Variants in ATG2A observed in about 807,000 individuals in gnomAD.
ATG2A encodes autophagy related 2A, also known as autophagy-related protein 2 homolog A.
ATG2A carries 103 observed loss-of-function variants against 214.2 expected under a neutral mutation model. The observed-to-expected ratio is 0.48, with a 90% CI of 0.41 to 0.57. ATG2A has a LOEUF of 0.57. Ranked by LOEUF, ATG2A falls within the 20% of genes least tolerant of loss-of-function variation. ATG2A has a pLI of 0.00. For synonymous variants in ATG2A, 1,160 were observed against 1,142.1 expected (o/e 1.02, Z -0.32); for missense variants, 2,312 against 2,613.2 (o/e 0.88, Z 2.51).
rs954116247 is a variant in ATG2A, at chr11:64,909,319, G to A, written c.2156C>T (p.Ser719Phe). 1.2e-6 allele frequency: 2 copies of A among 1,613,752 alleles called. No homozygotes were observed. Among genetic ancestry groups the A allele is most frequent in the Non-Finnish European group, 1.7e-6 (2 of 1,180,018 alleles). ...AGTGCTCTTGGGGTCCAGGGCTTTGGAGACACGCAGGCAAGGGACAGGTGG... is the reference window on the plus strand; with the variant it reads ...AGTGCTCTTGGGGTCCAGGGCTTTGAAGACACGCAGGCAAGGGACAGGTGG... ...GKPPVPCLRV[S>F]KALDPKSTGR... The change falls in exon 15 of 41, where the codon TCC becomes TTC. Residue 719 changes from serine to phenylalanine, a missense_variant. By Grantham distance (155) the Ser-to-Phe change is radical. Transcript: ENST00000377264.
In ATG2A at chr11:64,902,608, G is replaced by A. The variant is rs1565748061; in HGVS notation, c.3685C>T (p.Leu1229=). The change falls in exon 27 of 41, where the codon CTG becomes TTG. Residue 1229 remains leucine (L), a synonymous_variant. Coordinates refer to ENST00000377264, the MANE Select transcript of ATG2A (RefSeq NM_015104.3). The part of the protein sequence containing the change: ...HVHSCADSCA[L]LVNLLQYVMS... ...ACGTACTGGAGCAGGTTGACCAGCA[G>A]GGCACAGGAGTCGGCACAGCTGTGC... is the stretch of plus-strand genomic sequence containing the variant. The A allele has an allele frequency of 6.2e-7, 1 of 1,610,432 alleles. No individual in the cohort carries two copies. Among genetic ancestry groups the A allele is most frequent in the Admixed American group, 1.7e-5 (1 of 59,960 alleles).
In ATG2A at chr11:64,898,545, C is replaced by T. The variant is rs540779238; in HGVS notation, c.4671+91G>A. The T allele has an allele frequency of 1.2e-4, 173 of 1,467,434 alleles. No individual in the cohort carries two copies. Among genetic ancestry groups the T allele is most frequent in the Admixed American group, 2.5e-4 (14 of 56,526 alleles). 90.9% of individuals were successfully genotyped at this position (1,467,434 alleles called of 1,614,324 possible). ...CAACCTGGGTGTTTGTGTGGGAATG[C>T]GTGTATGTGTGTGAATCCATGCATG... On this transcript the variant is annotated intron_variant, in intron 32 of 40. Transcript: ENST00000377264. The surrounding 1 kb of genome is among the most constrained non-coding windows in gnomAD (Gnocchi z 4.5).
rs1808779624 is a variant in ATG2A at position 64,903,422 on chromosome 11, G to A, written c.3536-58C>T. On this transcript the variant is annotated intron_variant, in intron 25 of 40. Coordinates refer to ENST00000377264, the MANE Select transcript of ATG2A (RefSeq NM_015104.3). This position sits in a 1 kb window ranked among gnomAD's most constrained non-coding sequence, Gnocchi z 4.2. The stretch of plus-strand genomic sequence containing the variant: ...CCCCTTCCACCCGGCCCCGGCCCCA[G>A]CACCTGGGGGAAGGATCCGGTTGAT... 1 of 1,589,790 alleles carries A rather than the reference G, an allele frequency of 6.3e-7. No individual in the cohort carries two copies.
chr11:64,912,678 C>T (rs1944821547), intron 6 of ATG2A: 1 of 482,458 alleles, frequency 2.1e-6, no homozygotes, highest in Admixed American at 3.9e-5. Flanking sequence ...ACTGCAACCT[C>T]TGCCTCCTGG....
chr11:64,903,148 G>T lies in ATG2A; in HGVS notation c.3612+140C>A. ...GCTGTACTATGGCCCTTTGCAGGAG[G>T]GGCGCTAACTGCAGCCCAGGAAGGG... is the stretch of plus-strand genomic sequence containing the variant. On this transcript the variant is annotated intron_variant, in intron 26 of 40. Transcript: ENST00000377264. The surrounding 1 kb of genome is among the most constrained non-coding windows in gnomAD (Gnocchi z 4.2). 1 of 738,766 alleles carries T rather than the reference G, an allele frequency of 1.4e-6. No homozygotes were observed. The highest frequency in any genetic ancestry group is 2.3e-6 in the Non-Finnish European group (1 of 437,256). The allele number at this position is 738,766 out of a possible 1,614,324, so 45.8% of individuals were successfully genotyped here. A position where few individuals can be genotyped will look rare whatever the true frequency, so the allele number is the denominator to read the frequency against.
Position 64,898,923 on chromosome 11 carries a change from T to C in ATG2A, c.4465-81A>G, listed in dbSNP as rs1590624723. ...GGCTGGCCCCAGACCCCTTCTCTAT[T>C]CTTTTTTTGAGACAGAGTCTCACTC... On this transcript the variant is annotated intron_variant, in intron 31 of 40. Coordinates refer to ENST00000377264, the MANE Select transcript of ATG2A (RefSeq NM_015104.3). The surrounding 1 kb of genome is among the most constrained non-coding windows in gnomAD (Gnocchi z 4.5). The C allele has an allele frequency of 1.5e-6, 2 of 1,357,040 alleles. No individual in the cohort carries two copies. The highest frequency in any genetic ancestry group is 2.0e-6 in the Non-Finnish European group (2 of 988,840). 84.1% of individuals were successfully genotyped at this position (1,357,040 alleles called of 1,614,324 possible). A position where few individuals can be genotyped will look rare whatever the true frequency, so the allele number is the denominator to read the frequency against.
In ATG2A at chr11:64,900,424, C is replaced by T. The variant is rs374921119; in HGVS notation, c.4464+70G>A. On this transcript the variant is annotated intron_variant, in intron 31 of 40. Coordinates refer to ENST00000377264, the MANE Select transcript of ATG2A (RefSeq NM_015104.3). ...TTCCTCTGCATTAGTCATTGCTACA[C>T]GTGACATCGAGAACAAGGCCCGTTG... The T allele has an allele frequency of 7.0e-5, 113 of 1,604,872 alleles. No individual in the cohort carries two copies. The South Asian group carries it at 1.0e-3, about 14-fold the overall frequency.
In ATG2A at chr11:64,913,118, G is replaced by A; in HGVS notation, c.745C>T (p.Pro249Ser). Residue 249 changes from proline (P) to serine (S), a missense_variant, in exon 6 of 41, where the codon CCC (proline) becomes TCC (serine). Pro to Ser is a moderately conservative substitution (Grantham distance 74). Transcript: ENST00000377264. This position sits in a 1 kb window ranked among gnomAD's most constrained non-coding sequence, Gnocchi z 4.3. ...LPAQEEPPEP[P>S]LQIGSCSGYM... ...CCTGAGCAGCTGCCGATCTGCAAGG[G>A]GGGCTCTGGAGGCTCTTCCTGGGAG... The A allele has an allele frequency of 1.9e-6, 3 of 1,579,694 alleles. No homozygotes were observed. Among genetic ancestry groups the A allele is most frequent in the Non-Finnish European group, 2.6e-6 (3 of 1,159,402 alleles).
At chr11:64,896,179 A>G (rs891836858) in intron 39 of ATG2A, among the ~76,000 whole-genome samples, 1 of 151,540 alleles carries the variant, frequency 6.6e-6, no homozygotes. Context: ...GCCGTCCTCC[A>G]CCCCCCTTTA....
At chr11:64,912,037 G>A (rs1169851030) in intron 8 of ATG2A, 48 bp downstream of exon 8, 1 of 1,612,930 alleles carries the variant, frequency 6.2e-7, no homozygotes, top group African/African-American at 1.3e-5. Flanking sequence ...CTAGGCTGCT[G>A]CACCCACACT....
chr11:64,895,594 TC>T lies in ATG2A; in HGVS notation c.5428-153del. On this transcript the variant is annotated intron_variant, in intron 39 of 40. Transcript: ENST00000377264. This position sits in a 1 kb window ranked among gnomAD's most constrained non-coding sequence, Gnocchi z 5.0. ...GTCCTGCTCAGCCTCACTCCCCACT[TC>T]CTCCCACTCTTCCTCCCCTTCCTAG... 1.1e-6 allele frequency: 1 copy of T among 872,422 alleles called. No individual in the cohort carries two copies. Among genetic ancestry groups the T allele is most frequent in the Middle Eastern group, 3.6e-4 (1 of 2,792 alleles). The allele number at this position is 872,422 out of a possible 1,614,324, so 54.0% of individuals were successfully genotyped here.
chr11:64,899,694 G>A (rs1365272402), intron 31 of ATG2A, among the ~76,000 whole-genome samples: 1 of 151,998 alleles, frequency 6.6e-6, no homozygotes, highest in Non-Finnish European at 1.5e-5. Context: ...TCCTGAACCT[G>A]CTCACTAGCC....
Position 64,913,088 on chromosome 11 carries a change from T to G in ATG2A, c.775A>C (p.Met259Leu), listed in dbSNP as rs373350375. 2 of 1,577,918 alleles carry G rather than the reference T, an allele frequency of 1.3e-6. No individual in the cohort carries two copies. Among genetic ancestry groups the G allele is most frequent in the African/African-American group, 1.3e-5 (1 of 74,092 alleles). The change falls in exon 6 of 41, where the codon ATG becomes CTG. Residue 259 changes from methionine (M) to leucine (L), a missense_variant. By Grantham distance (15) the Met-to-Leu change is conservative (BLOSUM62 2). Coordinates refer to ENST00000377264, the MANE Select transcript of ATG2A (RefSeq NM_015104.3). The surrounding 1 kb of genome is among the most constrained non-coding windows in gnomAD (Gnocchi z 4.3). ...PLQIGSCSGY[M>L]ELMVKLKQNE... Reference sequence around the variant, plus strand: ...TGCTTCAACTTCACCATCAGCTCCATGTACCCTGAGCAGCTGCCGATCTGC... The same window carrying G: ...TGCTTCAACTTCACCATCAGCTCCAGGTACCCTGAGCAGCTGCCGATCTGC...
At chr11:64,906,057 C>G in intron 22 of ATG2A, 56 bp downstream of exon 22, 2 of 1,534,180 alleles carry the variant, frequency 1.3e-6, no homozygotes, top group Non-Finnish European at 1.8e-6. Flanking sequence ...ACCTGCTTGC[C>G]CAAAACAGAA....
At position 64,913,172 on chromosome 11, in the gene ATG2A, G is replaced by A. The variant is rs1248160099; in HGVS notation, c.727-36C>T. 1.9e-6 allele frequency: 3 copies of A among 1,599,520 alleles called. No individual in the cohort carries two copies. In the African/African-American group the frequency reaches 4.0e-5, roughly 21 times the overall value. On this transcript the variant is annotated intron_variant, in intron 5 of 40. Coordinates refer to ENST00000377264, the MANE Select transcript of ATG2A (RefSeq NM_015104.3). The surrounding 1 kb of genome is among the most constrained non-coding windows in gnomAD (Gnocchi z 4.3). ...GGAGGATACAAGAGGGAAAGGTTGA[G>A]AAAATGGAGTCAGAGATGGTCAGAA...
intron 24 of ATG2A, among the ~76,000 whole-genome samples, chr11:64,904,196 A>G (rs1944457576): frequency 6.6e-6 from 1 of 151,930 alleles, no homozygotes; most frequent in African/African-American, 2.4e-5. Flanking sequence ...CAGCGAGCCT[A>G]GATCACACCA....
At position 64,907,454 on chromosome 11, in the gene ATG2A, G is replaced by T. The variant is rs781169015; in HGVS notation, c.2648-15C>A. 2.5e-6 allele frequency: 4 copies of T among 1,604,876 alleles called. No individual in the cohort carries two copies. The highest frequency in any genetic ancestry group is 1.3e-5 in the African/African-American group (1 of 74,806). On this transcript the variant is annotated splice_polypyrimidine_tract_variant and intron_variant, in intron 18 of 40. Coordinates refer to ENST00000377264, the MANE Select transcript of ATG2A (RefSeq NM_015104.3). The stretch of plus-strand genomic sequence containing the variant: ...AAAGCAGTTGGCTGGGAAGGAGACC[G>T]CGAAGGGCTAGCCTGGCCCTTCCCA...
At position 64,903,705 on chromosome 11, in the gene ATG2A, G is replaced by GGGCA; in HGVS notation, c.3465-49_3465-46dup. 1 of 1,528,278 alleles carries GGGCA rather than the reference G, an allele frequency of 6.5e-7. No individual in the cohort carries two copies. Among genetic ancestry groups the GGGCA allele is most frequent in the Non-Finnish European group, 8.8e-7 (1 of 1,130,996 alleles). 94.7% of individuals were successfully genotyped at this position (1,528,278 alleles called of 1,614,324 possible). A position where few individuals can be genotyped will look rare whatever the true frequency, so the allele number is the denominator to read the frequency against. ...AGAAGGGCCCGGGCACCGCTGCAGG[G>GGGCA]GGCAGCTCCACGGGAGCCGAGCAGA... On this transcript the variant is annotated intron_variant, in intron 24 of 40. Transcript: ENST00000377264. This position sits in a 1 kb window ranked among gnomAD's most constrained non-coding sequence, Gnocchi z 4.2.
At position 64,906,761 on chromosome 11, in the gene ATG2A, C is replaced by G. The variant is rs1018752458; in HGVS notation, c.2887G>C (p.Glu963Gln). 5 of 1,613,494 alleles carry G rather than the reference C, an allele frequency of 3.1e-6. No individual in the cohort carries two copies. In the African/African-American group the frequency reaches 6.7e-5, roughly 21 times the overall value. Reference protein sequence around the residue: ...AVHGELVLDMEHGTLFSVSQY... With the variant: ...AVHGELVLDMQHGTLFSVSQY... ...GAGACGCTGAAGAGGGTACCGTGCT[C>G]CATGTCCAGCACCAGCTCCCCGTGC... The change falls in exon 20 of 41, where the codon GAG (glutamate) becomes CAG (glutamine). Residue 963 changes from glutamate to glutamine, a missense_variant. Coordinates refer to ENST00000377264, the MANE Select transcript of ATG2A (RefSeq NM_015104.3).
Sources: gnomAD v4.1 joint callset for allele counts (sites outside exome capture counted in the v4.1 genomes callset) on GRCh38, gnomAD v4.1.1 for gene constraint, Gnocchi (gnomAD v3.1) non-coding constraint, MANE v1.5 for transcripts, NCBI Gene and HGNC (gene_info 2026-07-23, HGNC 2026-07-21) for gene names.